Variants in DNAH9 observed in about 807,000 individuals in gnomAD.
The protein encoded by DNAH9 is DNAH9 variant protein.
A neutral mutation model predicts 471.6 loss-of-function variants in DNAH9; 345 were observed. The ratio of observed to expected loss-of-function variants is 0.73; its 90% CI spans 0.67 to 0.80. The LOEUF is 0.80. Among genes scored for constraint, DNAH9 ranks in the 30% least tolerant of loss-of-function variants. DNAH9 has a pLI of 0.00. For missense variants in DNAH9, 5,407 were observed against 5,609.2 expected, an observed-to-expected ratio of 0.96 and a Z score of 1.15; for synonymous variants, 2,093 against 2,123.6, an observed-to-expected ratio of 0.99 and a Z score of 0.40.
chr17:11,690,203 C>T lies in DNAH9; in HGVS notation c.4381C>T (p.Leu1461Phe), dbSNP rs767326820. ...YEPHPRTNVP[L>F]LCSDEDLIEV... ...GCCCCACCCACGGACCAATGTCCCC[C>T]TCCTGTGCTCTGATGAGGACCTCAT... Residue 1461 changes from leucine (L) to phenylalanine (F), a missense_variant, in exon 20 of 69, where the codon CTC (leucine) becomes TTC (phenylalanine). Physicochemically the swap from Leu to Phe is conservative, Grantham distance 22. This residue lies in a region of DNAH9 where 4,636 missense variants were observed against 4,900.3 expected (regional missense o/e 0.95). Transcript: ENST00000262442. 2 of 1,614,204 alleles carry T rather than the reference C, an allele frequency of 1.2e-6. No individual in the cohort carries two copies. Among genetic ancestry groups the T allele is most frequent in the Admixed American group, 1.7e-5 (1 of 60,026 alleles).
At chr17:11,667,885 A>G (rs1444724927) in intron 15 of DNAH9, among the ~76,000 whole-genome samples, 2 of 152,222 alleles carry the variant, frequency 1.3e-5, no homozygotes, top group Middle Eastern at 3.2e-3. Flanking sequence ...AGGCTGGGAA[A>G]TCTGGTCAAA....
At chr17:11,715,289 T>A (rs2074939791) in intron 26 of DNAH9, among the ~76,000 whole-genome samples, 1 of 152,224 alleles carries the variant, frequency 6.6e-6, no homozygotes. Flanking sequence ...TTCAAATATC[T>A]TGTCTCATAG....
chr17:11,678,250 G>T (rs967576109), intron 17 of DNAH9, among the ~76,000 whole-genome samples: 4 of 152,016 alleles, frequency 2.6e-5, no homozygotes, highest in African/African-American at 9.7e-5. Flanking sequence ...TAGAGACAGG[G>T]TTTCATCATG....
chr17:11,656,771 C>T (rs555270906), intron 14 of DNAH9, among the ~76,000 whole-genome samples: 124 of 152,248 alleles, frequency 8.1e-4, no homozygotes, highest in Non-Finnish European at 1.3e-3. Context: ...CTCCTGCGAG[C>T]CTCAATCACT....
intron 28 of DNAH9, among the ~76,000 whole-genome samples, chr17:11,735,609 G>A (rs2075334315): frequency 6.6e-6 from 1 of 151,980 alleles, no homozygotes; most frequent in African/African-American, 2.4e-5. Context: ...CTAATTTTTT[G>A]TATTTTTAGT....
intron 43 of DNAH9, among the ~76,000 whole-genome samples, chr17:11,803,160 C>T (rs1244296359): frequency 6.6e-6 from 1 of 152,202 alleles, no homozygotes; most frequent in Non-Finnish European, 1.5e-5. Context: ...CTTTCGTCAC[C>T]ACTTCAGCAG....
chr17:11,652,628 G>A (rs1437043137), intron 13 of DNAH9, 133 bp from the exon 14 acceptor site: 3 of 866,994 alleles, frequency 3.5e-6, no homozygotes, highest in Admixed American at 2.5e-5. Context: ...ATATTCTGAC[G>A]ATAATGAAGT....
intron 50 of DNAH9, among the ~76,000 whole-genome samples, chr17:11,866,820 G>A (rs151110676): frequency 0.019 from 2,838 of 152,346 alleles, 95 homozygotes; most frequent in African/African-American, 0.064. Context: ...AGGACCCTCC[G>A]AGCCAGGTGC....
intron 49 of DNAH9, among the ~76,000 whole-genome samples, chr17:11,849,206 C>T (rs1971328318): frequency 6.6e-6 from 1 of 152,122 alleles, no homozygotes; most frequent in Admixed American, 6.5e-5. Context: ...CCAATCACTT[C>T]TCACCATCTC....
intron 9 of DNAH9, among the ~76,000 whole-genome samples, chr17:11,637,631 A>T (rs1490867176): frequency 6.6e-6 from 1 of 152,170 alleles, no homozygotes; most frequent in Non-Finnish European, 1.5e-5. Context: ...AATAAAATAC[A>T]TTCCTATAGT....
chr17:11,718,032 C>T (rs2074995096), intron 26 of DNAH9, among the ~76,000 whole-genome samples: 6 of 105,316 alleles, frequency 5.7e-5, no homozygotes, highest in African/African-American at 2.8e-5. Context: ...CTACACCACA[C>T]CCATCTCATT....
Position 11,793,521 on chromosome 17 carries a change from G to T in DNAH9, c.8080G>T (p.Val2694Leu), listed in dbSNP as rs1293991959. The T allele has an allele frequency of 6.2e-7, 1 of 1,612,684 alleles. No homozygotes were observed. Among genetic ancestry groups the T allele is most frequent in the East Asian group, 2.2e-5 (1 of 44,858 alleles). Residue 2694 changes from valine (V) to leucine (L), a missense_variant, in exon 42 of 69, where the codon GTG becomes TTG. By Grantham distance (32) the Val-to-Leu change is conservative. Coordinates refer to ENST00000262442, the MANE Select transcript of DNAH9 (RefSeq NM_001372.4). Reference sequence around the variant, plus strand: ...CTTGAAGGGCATTCTCTTCTCCTCAGTGGAATGTGTGAAATCCACATGGGA... The same window carrying T: ...CTTGAAGGGCATTCTCTTCTCCTCATTGGAATGTGTGAAATCCACATGGGA... Reference protein sequence around the residue: ...NIFQGILFSSVECVKSTWDLI... With the variant: ...NIFQGILFSSLECVKSTWDLI...
At chr17:11,732,101 A>G (rs1223749043) in intron 28 of DNAH9, among the ~76,000 whole-genome samples, 1 of 152,228 alleles carries the variant, frequency 6.6e-6, no homozygotes, top group Non-Finnish European at 1.5e-5. Flanking sequence ...TCAATGAGGC[A>G]GTGCCCAACA....
chr17:11,756,670 A>G lies in DNAH9; in HGVS notation c.6841A>G (p.Arg2281Gly). The change falls in exon 34 of 69, where the codon AGA becomes GGA. Residue 2281 changes from arginine (R) to glycine (G), a missense_variant. By Grantham distance (125) the Arg-to-Gly change is moderately radical. Around this residue, in one of 3 missense-constraint regions of DNAH9, gnomAD observed 4,636 missense variants for 4,900.3 expected, o/e 0.95. Coordinates refer to ENST00000262442, the MANE Select transcript of DNAH9 (RefSeq NM_001372.4). ...LRTATPATVSRAGILYINPAD... is the reference protein window; with the variant it reads ...LRTATPATVSGAGILYINPAD... ...CACAGCCACTCCAGCAACTGTCTCT[A>G]GAGCAGGTACGGCCCAAGAAGGGAA... 1 of 1,603,550 alleles carries G rather than the reference A, an allele frequency of 6.2e-7. No homozygotes were observed. The highest frequency in any genetic ancestry group is 8.5e-7 in the Non-Finnish European group (1 of 1,170,398).
Position 11,930,045 on chromosome 17 carries a change from C to T in DNAH9, c.12057C>T (p.Pro4019=). The T allele has an allele frequency of 6.2e-7, 1 of 1,614,130 alleles. No homozygotes were observed. Residue 4019 remains proline (P), a synonymous_variant, in exon 63 of 69, where the codon CCC becomes CCT. Transcript: ENST00000262442. ...CCATTAAGATCACCAATGAGCCCCC[C>T]ACGGGCATGCATGCCAACCTGCACA... The part of the protein sequence containing the change: ...ENSIKITNEP[P]TGMHANLHKA...
rs56689551 is a variant in DNAH9 at position 11,828,473 on chromosome 17, C to CAAAA, written c.9246+5450_9246+5453dup. 1.5e-4 allele frequency among the ~76,000 whole-genome samples: 19 copies of CAAAA among 125,874 alleles called. 3 individuals are homozygous for CAAAA. Among genetic ancestry groups the CAAAA allele is most frequent in the Non-Finnish European group, 1.3e-4 (8 of 61,224 alleles). The allele number at this position is 125,874 out of a possible 152,430, so 82.6% of individuals were successfully genotyped here. A position where few individuals can be genotyped will look rare whatever the true frequency, so the allele number is the denominator to read the frequency against. On this transcript the variant is annotated intron_variant, in intron 48 of 68. Transcript: ENST00000262442. ...GGGCAACAAGAGTGAAACTCCGTCT[C>CAAAA]AAAAAAAAAAAAAATAGTGCCCGAA...
chr17:11,606,349 T>C (rs1377414482), intron 1 of DNAH9, among the ~76,000 whole-genome samples: 7 of 152,166 alleles, frequency 4.6e-5, no homozygotes, highest in African/African-American at 1.7e-4. Context: ...TGAGCATCTG[T>C]TTGTCTTTCT....
chr17:11,816,580 C>G (rs936893395), intron 45 of DNAH9, among the ~76,000 whole-genome samples: 14 of 152,156 alleles, frequency 9.2e-5, no homozygotes, highest in Admixed American at 7.9e-4. Flanking sequence ...TTTAAACTAT[C>G]AGGTCTAGAT....
intron 18 of DNAH9, among the ~76,000 whole-genome samples, chr17:11,680,512 G>A (rs2074115999): frequency 6.6e-6 from 1 of 151,694 alleles, no homozygotes; most frequent in Non-Finnish European, 1.5e-5. Context: ...TTAGTGTAGA[G>A]TGAGTGGTAG....
Sources: gnomAD v4.1 joint callset for allele counts (sites outside exome capture counted in the v4.1 genomes callset) on GRCh38, gnomAD v4.1.1 for gene constraint, gnomAD v4.1.1 regional missense constraint, MANE v1.5 for transcripts, NCBI Gene and HGNC (gene_info 2026-07-23, HGNC 2026-07-21) for gene names.